The following HORMAD2 variants were observed in gnomAD, a reference collection of about 807,000 sequenced individuals.
HORMAD2 encodes HORMA domain containing 2.
In HORMAD2, 45 loss-of-function variants were observed where a neutral mutation model predicts 38.8. The observed-to-expected ratio is 1.16, with a 90% CI of 0.91 to 1.49. The LOEUF (loss-of-function observed/expected upper bound fraction) is 1.49. HORMAD2 is among the 40% of genes most tolerant of loss of function. The pLI is 0.00. For missense variants in HORMAD2, 338 were observed against 367.0 expected, an observed-to-expected ratio of 0.92 and a Z score of 0.65; for synonymous variants, 126 against 122.8, an observed-to-expected ratio of 1.03 and a Z score of -0.17.
At chr22:30,138,289 C>T (rs1045918415) in intron 10 of HORMAD2, among the ~76,000 whole-genome samples, 1 of 149,204 alleles carries the variant, frequency 6.7e-6, no homozygotes. Flanking sequence ...GCCTAGGCAA[C>T]AGAGAAGCTG....
At chr22:30,152,291 G>A (rs1924798974) in intron 10 of HORMAD2, among the ~76,000 whole-genome samples, 1 of 151,844 alleles carries the variant, frequency 6.6e-6, no homozygotes, top group Non-Finnish European at 1.5e-5. Flanking sequence ...TTGAACTCCT[G>A]GGCTCAAACA....
intron 1 of HORMAD2, among the ~76,000 whole-genome samples, chr22:30,088,081 G>A (rs1160312217): frequency 4.0e-5 from 6 of 150,014 alleles, no homozygotes; most frequent in African/African-American, 1.2e-4. Flanking sequence ...ACGTACACAC[G>A]TGTACATATA....
the HORMAD2 span, among the ~76,000 whole-genome samples, chr22:30,182,644 A>C: frequency 6.6e-6 from 1 of 152,158 alleles, no homozygotes; most frequent in Non-Finnish European, 1.5e-5. Context: ...TTGTTGAATG[A>C]GCTGGGTGCA....
At chr22:30,207,326 C>T in the HORMAD2 span, among the ~76,000 whole-genome samples, 1 of 152,164 alleles carries the variant, frequency 6.6e-6, no homozygotes, top group East Asian at 1.9e-4. Context: ...GGCCCAGACA[C>T]TCCGTGCCCT....
At chr22:30,137,879 T>C (rs1006359303) in intron 10 of HORMAD2, among the ~76,000 whole-genome samples, 1 of 152,230 alleles carries the variant, frequency 6.6e-6, no homozygotes, top group Non-Finnish European at 1.5e-5. Flanking sequence ...GCTATAAACA[T>C]TTGTATATAA....
At chr22:30,196,465 C>T in the HORMAD2 span, among the ~76,000 whole-genome samples, 2 of 152,206 alleles carry the variant, frequency 1.3e-5, no homozygotes, top group Admixed American at 1.3e-4. Context: ...TCACCATTGC[C>T]ATGGCCAGCG....
chr22:30,116,286 C>T (rs1922040621), intron 7 of HORMAD2, among the ~76,000 whole-genome samples: 1 of 152,076 alleles, frequency 6.6e-6, no homozygotes, highest in Non-Finnish European at 1.5e-5. Flanking sequence ...CCTTGCAAAT[C>T]AAGATAACTT....
At chr22:30,194,684 T>G in the HORMAD2 span, among the ~76,000 whole-genome samples, 1 of 152,142 alleles carries the variant, frequency 6.6e-6, no homozygotes. Context: ...ATAATGCAGG[T>G]GAAGCCAGGT....
chr22:30,092,638 G>T (rs5763763), intron 1 of HORMAD2, among the ~76,000 whole-genome samples: 1 of 151,936 alleles, frequency 6.6e-6, no homozygotes, highest in Non-Finnish European at 1.5e-5. Context: ...TTACATTTAA[G>T]TCTTTAACAT....
the HORMAD2 span, among the ~76,000 whole-genome samples, chr22:30,187,179 G>T: frequency 6.6e-6 from 1 of 152,154 alleles, no homozygotes; most frequent in Non-Finnish European, 1.5e-5. Context: ...AACACTTAGG[G>T]TTTACTGTAT....
downstream of HORMAD2, among the ~76,000 whole-genome samples, chr22:30,181,313 T>C (rs1388026476): frequency 3.9e-5 from 6 of 151,920 alleles, no homozygotes; most frequent in Non-Finnish European, 8.8e-5. Context: ...CCTCAGGAGT[T>C]TGGATTTCTA....
downstream of HORMAD2, among the ~76,000 whole-genome samples, chr22:30,180,766 T>A (rs1343761232): frequency 6.6e-6 from 1 of 151,680 alleles, no homozygotes; most frequent in Non-Finnish European, 1.5e-5. Context: ...TTTCTTCCCC[T>A]TCCCTTCCCT....
chr22:30,177,272 C>G (rs1046128806), downstream of HORMAD2, among the ~76,000 whole-genome samples: 4 of 151,644 alleles, frequency 2.6e-5, no homozygotes, highest in Non-Finnish European at 5.9e-5. Flanking sequence ...CAGATTCTAA[C>G]ACACACACAC....
the HORMAD2 span, among the ~76,000 whole-genome samples, chr22:30,201,850 A>T: frequency 1.3e-5 from 2 of 152,060 alleles, no homozygotes; most frequent in African/African-American, 4.8e-5. Flanking sequence ...GAAAAAAAGC[A>T]TTTGTCCTGA....
the HORMAD2 span, among the ~76,000 whole-genome samples, chr22:30,188,547 T>C: frequency 7.2e-5 from 11 of 152,252 alleles, no homozygotes; most frequent in African/African-American, 2.7e-4. Context: ...ATTACTTTTG[T>C]ATGTACATAA....
intron 5 of HORMAD2, among the ~76,000 whole-genome samples, chr22:30,105,574 A>G (rs1210525344): frequency 1.3e-5 from 2 of 152,232 alleles, no homozygotes; most frequent in African/African-American, 2.4e-5. Context: ...GCAAATTCAT[A>G]CATTTCTATT....
intron 7 of HORMAD2, among the ~76,000 whole-genome samples, chr22:30,113,069 G>A (rs560118450): frequency 6.6e-6 from 1 of 151,802 alleles, no homozygotes; most frequent in Non-Finnish European, 1.5e-5. Flanking sequence ...TAGGGAATCC[G>A]ACTCATCTTC....
the HORMAD2 span, among the ~76,000 whole-genome samples, chr22:30,206,077 T>C: frequency 6.6e-6 from 1 of 152,178 alleles, no homozygotes; most frequent in Non-Finnish European, 1.5e-5. Flanking sequence ...ATTTTCTTGC[T>C]TCATTCTGAC....
chr22:30,178,165 A>G (rs1926562253), downstream of HORMAD2, among the ~76,000 whole-genome samples: 1 of 152,200 alleles, frequency 6.6e-6, no homozygotes, highest in Admixed American at 6.5e-5. Flanking sequence ...TTCAAAAGGA[A>G]CTATTTTGCT....
Sources: gnomAD v4.1 joint callset for allele counts (sites outside exome capture counted in the v4.1 genomes callset) on GRCh38, gnomAD v4.1.1 for gene constraint, MANE v1.5 for transcripts, NCBI Gene and HGNC (gene_info 2026-07-23, HGNC 2026-07-21) for gene names.